The following PARG variants were observed in gnomAD, a reference collection of about 807,000 sequenced individuals.
PARG encodes poly(ADP-ribose) glycohydrolase.
PARG carries 35 observed loss-of-function variants against 113.0 expected under a neutral mutation model. The observed-to-expected ratio is 0.31, with a 90% CI of 0.24 to 0.41. PARG has a LOEUF of 0.41. Ranked by LOEUF, PARG falls within the 10% of genes least tolerant of loss-of-function variation. The probability of loss-of-function intolerance (pLI) is 1.00; values close to 1 mark genes in which losing one functional copy is unlikely to be tolerated. For missense variants in PARG, 797 were observed against 1,169.4 expected (o/e 0.68, Z 4.64); for synonymous variants, 330 against 409.9 (o/e 0.81, Z 2.36).
rs1267312741 is a variant in PARG at position 49,941,845 on chromosome 10, C to T, written c.-120G>A. 63 of 1,521,542 alleles carry T rather than the reference C, an allele frequency of 4.1e-5. No homozygotes were observed. The highest frequency in any genetic ancestry group is 5.6e-5 in the Non-Finnish European group (63 of 1,134,156). The allele number at this position is 1,521,542 out of a possible 1,614,324, so 94.3% of individuals were successfully genotyped here. On this transcript the variant is annotated 5_prime_UTR_variant, in exon 1 of 18. Coordinates refer to ENST00000616448, the MANE Select transcript of PARG (RefSeq NM_003631.5). ...CCTGCCTGCACCATTCCCTCTCTGC[C>T]GCTGCCTGCTTCTGCAATTGCTGAT...
intron 7 of PARG, among the ~76,000 whole-genome samples, chr10:49,909,207 C>T (rs1351034584): frequency 2.6e-5 from 4 of 151,890 alleles, no homozygotes; most frequent in African/African-American, 9.7e-5. Context: ...TTGTGTTTTA[C>T]GTTATTGAAT....
At chr10:49,892,246 T>C (rs1296161126) in intron 7 of PARG, among the ~76,000 whole-genome samples, 1 of 152,136 alleles carries the variant, frequency 6.6e-6, no homozygotes, top group East Asian at 1.9e-4. Context: ...TAAAATGTCA[T>C]GTATTTTCAC....
At chr10:49,897,182 A>C (rs1848129955) in intron 7 of PARG, among the ~76,000 whole-genome samples, 1 of 152,206 alleles carries the variant, frequency 6.6e-6, no homozygotes, top group Non-Finnish European at 1.5e-5. Context: ...ATTAAATACT[A>C]TGATCAAATC....
chr10:49,933,571 G>A lies in PARG; in HGVS notation c.877C>T (p.Pro293Ser). The stretch of plus-strand genomic sequence containing the variant: ...TCGGGTTCACTTTCCTTCTCAAATG[G>A]AGGAGAATTTCCTAGGCAACTTTCT... ...RQESCLGNSP[P>S]FEKESEPESP... The change falls in exon 3 of 18, where the codon CCA becomes TCA. Residue 293 changes from proline (P) to serine (S), a missense_variant. Physicochemically the swap from Pro to Ser is moderately conservative, Grantham distance 74. Around this residue, in one of 5 missense-constraint regions of PARG, gnomAD observed 284 missense variants for 306.1 expected, o/e 0.93. Transcript: ENST00000616448. 1.9e-6 allele frequency: 3 copies of A among 1,611,596 alleles called. No individual in the cohort carries two copies. In the East Asian group the frequency reaches 6.7e-5, roughly 36 times the overall value.
At chr10:49,902,770 C>A (rs532182813) in intron 7 of PARG, among the ~76,000 whole-genome samples, 1 of 152,040 alleles carries the variant, frequency 6.6e-6, no homozygotes, top group East Asian at 1.9e-4. Context: ...GCGGGAGGAT[C>A]GCTTAAGGGC....
At chr10:49,866,246 T>C (rs1169235680) in intron 10 of PARG, among the ~76,000 whole-genome samples, 2 of 152,108 alleles carry the variant, frequency 1.3e-5, no homozygotes, top group Non-Finnish European at 2.9e-5. Flanking sequence ...TTCTGTTTTC[T>C]TGAATACAAA....
intron 6 of PARG, among the ~76,000 whole-genome samples, chr10:49,919,145 T>C (rs556082275): frequency 3.9e-5 from 6 of 152,190 alleles, no homozygotes; most frequent in Non-Finnish European, 8.8e-5. Flanking sequence ...TTCACCATGT[T>C]GGCCAGGATG....
chr10:49,897,295 G>A (rs1848135525), intron 7 of PARG, among the ~76,000 whole-genome samples: 1 of 152,162 alleles, frequency 6.6e-6, no homozygotes, highest in Non-Finnish European at 1.5e-5. Flanking sequence ...GTATTATGAT[G>A]ATGATGATGC....
Position 49,906,159 on chromosome 10 carries a change from T to TTTTTTTC in PARG, c.1737+9757_1737+9758insGAAAAAA, listed in dbSNP as rs4012651. ...GATGCTGCCGCTTTTTTTTTTTTTT[T>TTTTTTTC]CCCAGTAGAAACAGGGTTTCACCAT... On this transcript the variant is annotated intron_variant, in intron 7 of 17. Transcript: ENST00000616448. Among the ~76,000 whole-genome samples the TTTTTTTC allele has an allele frequency of 2.5e-3, 354 of 142,232 alleles. 4 individuals carry two copies. The highest frequency in any genetic ancestry group is 7.6e-3 in the Middle Eastern group (2 of 264). 93.3% of individuals were successfully genotyped at this position (142,232 alleles called of 152,430 possible). A position where few individuals can be genotyped will look rare whatever the true frequency, so the allele number is the denominator to read the frequency against.
Position 49,832,927 on chromosome 10 carries a change from A to T in PARG, c.2542-19T>A. 1 of 1,378,492 alleles carries T rather than the reference A, an allele frequency of 7.3e-7. No homozygotes were observed. The highest frequency in any genetic ancestry group is 1.0e-6 in the Non-Finnish European group (1 of 992,056). The allele number at this position is 1,378,492 out of a possible 1,614,324, so 85.4% of individuals were successfully genotyped here. A position where few individuals can be genotyped will look rare whatever the true frequency, so the allele number is the denominator to read the frequency against. On this transcript the variant is annotated intron_variant, in intron 15 of 17. Coordinates refer to ENST00000616448, the MANE Select transcript of PARG (RefSeq NM_003631.5). ...AGTAAGCCTGCAGGATAAAAGAATT[A>T]TCAAAGCCTGTGAGTGCCTAGACAC...
chr10:49,822,324 A>G lies in PARG; in HGVS notation c.2648-2031T>C, dbSNP rs533901085. On this transcript the variant is annotated intron_variant, in intron 16 of 17. Coordinates refer to ENST00000616448, the MANE Select transcript of PARG (RefSeq NM_003631.5). The stretch of plus-strand genomic sequence containing the variant: ...GGGAGACACCACAGTAGCAATGAGC[A>G]CACTCAGCACCCAAATCTTGGTCTC... 8.2e-4 allele frequency among the ~76,000 whole-genome samples: 125 copies of G among 152,302 alleles called. 2 individuals are homozygous for G. In the Middle Eastern group the frequency reaches 0.044, roughly 54 times the overall value.
At chr10:49,843,294 A>G (rs1266205589) in intron 14 of PARG, among the ~76,000 whole-genome samples, 3 of 152,220 alleles carry the variant, frequency 2.0e-5, no homozygotes, top group African/African-American at 7.2e-5. Flanking sequence ...TGTAGCTCAG[A>G]GGTAAAGAAC....
At chr10:49,826,723 T>C (rs1164751557) in intron 16 of PARG, among the ~76,000 whole-genome samples, 2 of 152,262 alleles carry the variant, frequency 1.3e-5, no homozygotes, top group African/African-American at 2.4e-5. Context: ...TCCCTGGCTA[T>C]GACAATTTGG....
chr10:49,838,811 G>A (rs1769911267), intron 15 of PARG, among the ~76,000 whole-genome samples: 1 of 152,036 alleles, frequency 6.6e-6, no homozygotes, highest in African/African-American at 2.4e-5. Context: ...ATAATTGCAG[G>A]TTGAAAATGA....
chr10:49,879,809 T>C lies in PARG; in HGVS notation c.1852A>G (p.Lys618Glu), dbSNP rs1554839087. ...CTQPIPLLKQ[K>E]MNHSITMSQE... Reference sequence around the variant, plus strand: ...GACATTGTGATGGAATGATTCATCTTCTGTTTCAGGAGTGGTATTGGCTGA... The same window carrying C: ...GACATTGTGATGGAATGATTCATCTCCTGTTTCAGGAGTGGTATTGGCTGA... Residue 618 changes from lysine (K) to glutamate (E), a missense_variant, in exon 9 of 18, where the codon AAG becomes GAG. Lys to Glu is a moderately conservative substitution (Grantham distance 56). Coordinates refer to ENST00000616448, the MANE Select transcript of PARG (RefSeq NM_003631.5). The C allele has an allele frequency of 8.7e-7, 1 of 1,155,464 alleles. No homozygotes were observed. The highest frequency in any genetic ancestry group is 1.9e-5 in the Admixed American group (1 of 51,316). 71.6% of individuals were successfully genotyped at this position (1,155,464 alleles called of 1,614,324 possible).
At chr10:49,820,660 G>T (rs1296632066) in intron 16 of PARG, among the ~76,000 whole-genome samples, 1 of 151,384 alleles carries the variant, frequency 6.6e-6, no homozygotes, top group Non-Finnish European at 1.5e-5. Flanking sequence ...AGGTGGAGGT[G>T]GCAGGTGAGC....
chr10:49,918,652 T>C (rs1554848342), intron 6 of PARG, among the ~76,000 whole-genome samples: 1 of 152,192 alleles, frequency 6.6e-6, no homozygotes, highest in Admixed American at 6.5e-5. Flanking sequence ...TCCCTCTAAA[T>C]CCAACATCAA....
intron 7 of PARG, among the ~76,000 whole-genome samples, chr10:49,894,560 G>C (rs1847983308): frequency 6.6e-6 from 1 of 152,044 alleles, no homozygotes; most frequent in Admixed American, 6.6e-5. Context: ...ATAGTATGTG[G>C]GAAGGGGCAA....
intron 13 of PARG, among the ~76,000 whole-genome samples, chr10:49,856,445 G>A (rs1313489668): frequency 2.6e-5 from 4 of 152,190 alleles, no homozygotes; most frequent in Admixed American, 2.0e-4. Flanking sequence ...CTCCCAAAGC[G>A]CTAGGATTAC....
Sources: gnomAD v4.1 joint callset for allele counts (sites outside exome capture counted in the v4.1 genomes callset) on GRCh38, gnomAD v4.1.1 for gene constraint, gnomAD v4.1.1 regional missense constraint, MANE v1.5 for transcripts, NCBI Gene and HGNC (gene_info 2026-07-23, HGNC 2026-07-21) for gene names.